Variants in MICALL1 observed in about 807,000 individuals in gnomAD.
MICALL1 encodes the protein MICAL-like protein 1.
Under a neutral mutation model 83.7 loss-of-function variants are expected in MICALL1, and 61 were observed. The observed-to-expected ratio is 0.73, with a 90% CI of 0.59 to 0.90. The LOEUF (loss-of-function observed/expected upper bound fraction) is 0.90. Among genes scored for constraint, MICALL1 ranks in the 40% least tolerant of loss-of-function variants. MICALL1 has a pLI of 0.00. For synonymous variants in MICALL1, 481 were observed against 473.6 expected, an observed-to-expected ratio of 1.02 and a Z score of -0.20; for missense variants, 1,066 against 1,152.0, an observed-to-expected ratio of 0.93 and a Z score of 1.08.
intron 15 of MICALL1, 95 bp downstream of exon 15, chr22:37,937,887 C>T: frequency 1.3e-6 from 2 of 1,509,564 alleles, no homozygotes; most frequent in Non-Finnish European, 9.1e-7. Flanking sequence ...TTGGAGTGGG[C>T]ACTACCAGGA....
chr22:37,918,298 C>A (rs1262857570), intron 4 of MICALL1, among the ~76,000 whole-genome samples: 1 of 152,188 alleles, frequency 6.6e-6, no homozygotes, highest in Non-Finnish European at 1.5e-5. Flanking sequence ...TCCAAGGTTA[C>A]TTAGTAAGGA....
rs1214011228 is a variant in MICALL1, at chr22:37,924,788, G to A, written c.1082+71G>A. On this transcript the variant is annotated intron_variant, in intron 7 of 15. Coordinates refer to ENST00000215957, the MANE Select transcript of MICALL1 (RefSeq NM_033386.4). The surrounding 1 kb of genome is among the most constrained non-coding windows in gnomAD (Gnocchi z 5.2). ...GTGGGAATCAGGGTACTCTGGGGCC[G>A]GGTAGGGAGAGAGGCTTCCTGTGGA... 5.7e-5 allele frequency: 86 copies of A among 1,520,882 alleles called. 1 individual carries two copies. Among genetic ancestry groups the A allele is most frequent in the Admixed American group, 4.4e-4 (25 of 57,340 alleles). The allele number at this position is 1,520,882 out of a possible 1,614,324, so 94.2% of individuals were successfully genotyped here. A position where few individuals can be genotyped will look rare whatever the true frequency, so the allele number is the denominator to read the frequency against.
At position 37,906,632 on chromosome 22, in the gene MICALL1, C is replaced by T. The variant is rs540303488; in HGVS notation, c.146+64C>T. 2.4e-5 allele frequency: 27 copies of T among 1,132,290 alleles called. No homozygotes were observed. The highest frequency in any genetic ancestry group is 3.7e-4 in the Middle Eastern group (1 of 2,710). The allele number at this position is 1,132,290 out of a possible 1,614,324, so 70.1% of individuals were successfully genotyped here. A position where few individuals can be genotyped will look rare whatever the true frequency, so the allele number is the denominator to read the frequency against. On this transcript the variant is annotated intron_variant, in intron 1 of 15. Transcript: ENST00000215957. This position sits in a 1 kb window ranked among gnomAD's most constrained non-coding sequence, Gnocchi z 4.4. The stretch of plus-strand genomic sequence containing the variant: ...GGGCTGGGGCCGCGACCGCCGCCCC[C>T]CCTCAGTAACACGAAGCCCGGGCGG...
At chr22:37,931,288 T>A (rs183501225) in intron 9 of MICALL1, among the ~76,000 whole-genome samples, 3 of 152,072 alleles carry the variant, frequency 2.0e-5, no homozygotes, top group East Asian at 3.9e-4. Flanking sequence ...GGTGTGGTAA[T>A]CCCAGCACTT....
rs147713622 is a variant in MICALL1 at position 37,912,421 on chromosome 22, G to C, written c.266G>C (p.Ser89Thr). The C allele has an allele frequency of 3.5e-4, 565 of 1,614,034 alleles. No individual in the cohort carries two copies. Among genetic ancestry groups the C allele is most frequent in the Middle Eastern group, 9.9e-4 (6 of 6,062 alleles). The change falls in exon 3 of 16, where the codon AGC (serine) becomes ACC (threonine). Residue 89 changes from serine (S) to threonine (T), a missense_variant. Ser to Thr is a moderately conservative substitution (Grantham distance 58). Transcript: ENST00000215957. Reference protein sequence around the residue: ...LLDPNDMVSMSVPDCLSIMTY... With the variant: ...LLDPNDMVSMTVPDCLSIMTY... Reference sequence around the variant, plus strand: ...GACCCCAATGACATGGTCTCCATGAGCGTCCCTGACTGCCTCAGCATCATG... The same window carrying C: ...GACCCCAATGACATGGTCTCCATGACCGTCCCTGACTGCCTCAGCATCATG...
chr22:37,933,000 G>A lies in MICALL1; in HGVS notation c.2235-39G>A, dbSNP rs1249976850. 15 of 1,613,660 alleles carry A rather than the reference G, an allele frequency of 9.3e-6. No homozygotes were observed. Among genetic ancestry groups the A allele is most frequent in the African/African-American group, 1.3e-5 (1 of 74,992 alleles). On this transcript the variant is annotated intron_variant, in intron 12 of 15. Coordinates refer to ENST00000215957, the MANE Select transcript of MICALL1 (RefSeq NM_033386.4). This position sits in a 1 kb window ranked among gnomAD's most constrained non-coding sequence, Gnocchi z 4.4. ...GCGCAGGGCAGGGCAGCCGGGGCTCGGGCAGAATTGTTAAGAGTCACCTTA... is the reference window on the plus strand; with the variant it reads ...GCGCAGGGCAGGGCAGCCGGGGCTCAGGCAGAATTGTTAAGAGTCACCTTA...
intron 5 of MICALL1, 113 bp downstream of exon 5, chr22:37,919,291 C>G (rs1260638510): frequency 6.8e-5 from 87 of 1,278,820 alleles, no homozygotes; most frequent in African/African-American, 1.5e-5. Context: ...GAGCCCCTGG[C>G]TTATCCCCAT....
In MICALL1 at chr22:37,925,806, G is replaced by A; in HGVS notation, c.1228G>A (p.Val410Met). The change falls in exon 8 of 16, where the codon GTG (valine) becomes ATG (methionine). Residue 410 changes from valine (V) to methionine (M), a missense_variant. Coordinates refer to ENST00000215957, the MANE Select transcript of MICALL1 (RefSeq NM_033386.4). ...RQVENGGTEEVAQPSPTASLE... is the reference protein window; with the variant it reads ...RQVENGGTEEMAQPSPTASLE... ...GGTGGAGAATGGAGGCACCGAGGAG[G>A]TGGCCCAGCCGAGCCCAACGGCCAG... is the stretch of plus-strand genomic sequence containing the variant. 6.2e-7 allele frequency: 1 copy of A among 1,613,716 alleles called. No homozygotes were observed. The highest frequency in any genetic ancestry group is 8.5e-7 in the Non-Finnish European group (1 of 1,180,000).
At chr22:37,909,119 C>T (rs1188973483) in intron 1 of MICALL1, among the ~76,000 whole-genome samples, 1 of 152,112 alleles carries the variant, frequency 6.6e-6, no homozygotes, top group Non-Finnish European at 1.5e-5. Flanking sequence ...GTGGCGTGAT[C>T]TCGGCTCACC....
Position 37,922,291 on chromosome 22 carries a change from C to A in MICALL1, c.889C>A (p.Pro297Thr), listed in dbSNP as rs190839368. Residue 297 changes from proline (P) to threonine (T), a missense_variant, in exon 6 of 16, where the codon CCT (proline) becomes ACT (threonine). Physicochemically the swap from Pro to Thr is conservative, Grantham distance 38 (BLOSUM62 -1). Transcript: ENST00000215957. Reference sequence around the variant, plus strand: ...CAAACTACAGGAGCTGGCCAGCCCCCCTGCGGGCCGCCCCACCCCTGCCCC... The same window carrying A: ...CAAACTACAGGAGCTGGCCAGCCCCACTGCGGGCCGCCCCACCCCTGCCCC... ...PGKLQELASP[P>T]AGRPTPAPRK... is the part of the protein sequence containing the mutation. 106 of 1,555,218 alleles carry A rather than the reference C, an allele frequency of 6.8e-5. No individual in the cohort carries two copies. The highest frequency in any genetic ancestry group is 9.4e-5 in the South Asian group (8 of 85,042).
At position 37,928,733 on chromosome 22, in the gene MICALL1, G is replaced by C. The variant is rs1929629369; in HGVS notation, c.1881+907G>C. 2.0e-5 allele frequency among the ~76,000 whole-genome samples: 3 copies of C among 152,190 alleles called. No homozygotes were observed. The South Asian group carries it at 6.2e-4, about 32-fold the overall frequency. ...CCCATCCCCTCCACTTGCCTATTTG[G>C]GTTCCACTCACCAGCCACCAGTCAT... On this transcript the variant is annotated intron_variant, in intron 9 of 15. Coordinates refer to ENST00000215957, the MANE Select transcript of MICALL1 (RefSeq NM_033386.4).
intron 5 of MICALL1, among the ~76,000 whole-genome samples, chr22:37,921,120 G>A (rs1280998142): frequency 6.6e-6 from 1 of 152,136 alleles, no homozygotes; most frequent in African/African-American, 2.4e-5. Context: ...GCAACTCCTA[G>A]TAAAAAATAC....
rs562357799 is a variant in MICALL1 at position 37,927,864 on chromosome 22, C to G, written c.1881+38C>G. 3 of 1,556,446 alleles carry G rather than the reference C, an allele frequency of 1.9e-6. No individual in the cohort carries two copies. The South Asian group carries it at 3.6e-5, about 18-fold the overall frequency. The stretch of plus-strand genomic sequence containing the variant: ...TCACCCTCACTAAAAGTGACATCCT[C>G]TCTAGTGGATGCGGGTCTGGTCTCA... On this transcript the variant is annotated intron_variant, in intron 9 of 15. Coordinates refer to ENST00000215957, the MANE Select transcript of MICALL1 (RefSeq NM_033386.4).
rs201999859 is a variant in MICALL1, at chr22:37,940,414, C to G, written c.2471-295C>G. On this transcript the variant is annotated intron_variant, in intron 15 of 15. Coordinates refer to ENST00000215957, the MANE Select transcript of MICALL1 (RefSeq NM_033386.4). ...CTCCAGCCTGGGCGACAAAGCGACTCAGTCTCAAAAAAAAAAAGAATTCCC... is the reference window on the plus strand; with the variant it reads ...CTCCAGCCTGGGCGACAAAGCGACTGAGTCTCAAAAAAAAAAAGAATTCCC... 7.3e-5 allele frequency among the ~76,000 whole-genome samples: 11 copies of G among 151,716 alleles called. No individual in the cohort carries two copies. In the East Asian group the frequency reaches 2.1e-3, roughly 29 times the overall value.
At position 37,917,126 on chromosome 22, in the gene MICALL1, C is replaced by T. The variant is rs575880064; in HGVS notation, c.338-581C>T. Reference sequence around the variant, plus strand: ...ACCTCAAATGATCCACCCACCTCAGCCTCCCAAAGTGCTGGGATTATAGAC... The same window carrying T: ...ACCTCAAATGATCCACCCACCTCAGTCTCCCAAAGTGCTGGGATTATAGAC... On this transcript the variant is annotated intron_variant, in intron 3 of 15. Coordinates refer to ENST00000215957, the MANE Select transcript of MICALL1 (RefSeq NM_033386.4). 4.6e-5 allele frequency among the ~76,000 whole-genome samples: 7 copies of T among 152,270 alleles called. No homozygotes were observed. The East Asian group carries it at 1.4e-3, about 29-fold the overall frequency.
intron 8 of MICALL1, among the ~76,000 whole-genome samples, chr22:37,926,335 C>G (rs1347664433): frequency 6.6e-6 from 1 of 152,200 alleles, no homozygotes; most frequent in African/African-American, 2.4e-5. Context: ...TCTCTTCACC[C>G]TCCCTGTCGT....
rs1929051712 is a variant in MICALL1 at position 37,921,863 on chromosome 22, CAGTT to C, written c.570-108_570-105del. On this transcript the variant is annotated intron_variant, in intron 5 of 15. Transcript: ENST00000215957. ...AGGGTATGGAGTCGAGCTTGGCTGG[CAGTT>C]GGGAGGAGGGAAGGGAGGAGACAGC... 5.7e-6 allele frequency: 6 copies of C among 1,045,860 alleles called. No individual in the cohort carries two copies. The South Asian group carries it at 8.5e-5, about 15-fold the overall frequency. The allele number at this position is 1,045,860 out of a possible 1,614,324, so 64.8% of individuals were successfully genotyped here. A position where few individuals can be genotyped will look rare whatever the true frequency, so the allele number is the denominator to read the frequency against.
At chr22:37,917,412 T>A (rs926697417) in intron 3 of MICALL1, among the ~76,000 whole-genome samples, 18 of 152,230 alleles carry the variant, frequency 1.2e-4, no homozygotes, top group African/African-American at 4.1e-4. Flanking sequence ...CACACGCGGG[T>A]GCTGTGTTCT....
chr22:37,914,074 C>A lies in MICALL1; in HGVS notation c.337+1582C>A, dbSNP rs558593262. On this transcript the variant is annotated intron_variant, in intron 3 of 15. Transcript: ENST00000215957. ...TATTTTTAGTAGAGATGGGGTTTCGCCACTTTGGCCAGGCTGGTCTCAAAC... is the reference window on the plus strand; with the variant it reads ...TATTTTTAGTAGAGATGGGGTTTCGACACTTTGGCCAGGCTGGTCTCAAAC... 2.6e-5 allele frequency among the ~76,000 whole-genome samples: 4 copies of A among 151,996 alleles called. No individual in the cohort carries two copies. The South Asian group carries it at 8.3e-4, about 32-fold the overall frequency.
Sources: allele counts gnomAD v4.1 joint callset (sites outside exome capture counted in the v4.1 genomes callset), GRCh38; gene constraint gnomAD v4.1.1; non-coding constraint Gnocchi (gnomAD v3.1); transcripts MANE v1.5; gene names NCBI Gene and HGNC (gene_info 2026-07-23, HGNC 2026-07-21).